NOD1: variants seen among roughly 807,000 people sequenced by gnomAD.
NOD1 encodes the protein nucleotide binding oligomerization domain containing 1, also known as nucleotide-binding oligomerization domain-containing protein 1.
NOD1 carries 70 observed loss-of-function variants against 81.2 expected under a neutral mutation model. The observed-to-expected ratio is 0.86, with a 90% CI of 0.71 to 1.05. NOD1 has a LOEUF of 1.05. Among genes scored for constraint, NOD1 ranks in the 50% least tolerant of loss-of-function variants. The pLI, the probability that NOD1 is intolerant of heterozygous loss-of-function variation, is 0.00. For synonymous variants in NOD1, 508 were observed against 526.9 expected, an observed-to-expected ratio of 0.96 and a Z score of 0.49; for missense variants, 1,233 against 1,228.0, an observed-to-expected ratio of 1.00 and a Z score of -0.06.
intron 1 of NOD1, among the ~76,000 whole-genome samples, chr7:30,474,337 T>C (rs1788556002): frequency 6.6e-6 from 1 of 152,242 alleles, no homozygotes; most frequent in Non-Finnish European, 1.5e-5. Flanking sequence ...TTATTGTAAC[T>C]AGTTTACAAA....
At chr7:30,439,441 T>C (rs1224711624) in intron 9 of NOD1, among the ~76,000 whole-genome samples, 31 of 141,402 alleles carry the variant, frequency 2.2e-4, no homozygotes, top group African/African-American at 6.9e-4. Context: ...TTGCCTCACC[T>C]GGGAAGCGCA....
At position 30,425,547 on chromosome 7, in the gene NOD1, C is replaced by G. The variant is rs1783371049; in HGVS notation, c.*91G>C. The G allele has an allele frequency of 1.1e-6, 1 of 909,550 alleles. No homozygotes were observed. Among genetic ancestry groups the G allele is most frequent in the Non-Finnish European group, 1.9e-6 (1 of 538,874 alleles). The allele number at this position is 909,550 out of a possible 1,614,324, so 56.3% of individuals were successfully genotyped here. A position where few individuals can be genotyped will look rare whatever the true frequency, so the allele number is the denominator to read the frequency against. ...TCCTGATAGTCCCGCCTGCGCAGGC[C>G]CCTTTAAGACACTGACACAAAAGAC... On this transcript the variant is annotated 3_prime_UTR_variant, in exon 14 of 14. Coordinates refer to ENST00000222823, the MANE Select transcript of NOD1 (RefSeq NM_006092.4).
rs545169719 is a variant in NOD1 at position 30,467,381 on chromosome 7, T to C, written c.-351-7340A>G. Among the ~76,000 whole-genome samples the C allele has an allele frequency of 3.9e-5, 6 of 152,202 alleles. No homozygotes were observed. The highest frequency in any genetic ancestry group is 1.2e-4 in the African/African-American group (5 of 41,536). On this transcript the variant is annotated intron_variant, in intron 1 of 13. Transcript: ENST00000222823. This position sits in a 1 kb window ranked among gnomAD's most constrained non-coding sequence, Gnocchi z 4.5. The stretch of plus-strand genomic sequence containing the variant: ...ATAAGAAGGCTATACACTTGCATGA[T>C]TGAAATATTTTAGGGCCTTTTCCTC...
intron 10 of NOD1, among the ~76,000 whole-genome samples, chr7:30,436,718 T>C (rs1407454848): frequency 6.6e-6 from 1 of 152,164 alleles, no homozygotes; most frequent in Non-Finnish European, 1.5e-5. Flanking sequence ...CATGCAGGGA[T>C]GGCTGAGGGG....
Position 30,429,371 on chromosome 7 carries a change from T to C in NOD1, c.2789+3A>G. 1.2e-6 allele frequency: 2 copies of C among 1,612,994 alleles called. No homozygotes were observed. Among genetic ancestry groups the C allele is most frequent in the Non-Finnish European group, 1.7e-6 (2 of 1,178,860 alleles). On this transcript the variant is annotated splice_donor_region_variant and intron_variant, in intron 13 of 13. Transcript: ENST00000222823. ...ATTACTGTGACAAACGCTGGGATCTTACCAAATCTCTGTTATGCCAGTGTT... is the reference window on the plus strand; with the variant it reads ...ATTACTGTGACAAACGCTGGGATCTCACCAAATCTCTGTTATGCCAGTGTT...
intron 6 of NOD1, 26 bp from the exon 7 acceptor site, chr7:30,448,407 C>A (rs1302558188): frequency 6.3e-7 from 1 of 1,575,250 alleles, no homozygotes; most frequent in Non-Finnish European, 8.7e-7. Context: ...AAAAAAATTA[C>A]GAGTCAGGGC....
intron 1 of NOD1, among the ~76,000 whole-genome samples, chr7:30,473,050 AGCTTTCTAACAGCCTTCCACACCAG>A: frequency 6.6e-6 from 1 of 152,356 alleles, no homozygotes; most frequent in African/African-American, 2.4e-5. Flanking sequence ...AGCTATAAAT[AGCTTTCTAACAGCCTTCCACACCAG>A]GGTAGGGGGC....
chr7:30,455,863 A>G (rs1056411601), intron 4 of NOD1, among the ~76,000 whole-genome samples: 2 of 152,070 alleles, frequency 1.3e-5, no homozygotes, highest in Non-Finnish European at 2.9e-5. Flanking sequence ...CGGCCTCCCA[A>G]AGTGCTGGGA....
chr7:30,455,316 AG>A lies in NOD1; in HGVS notation c.202-6del, dbSNP rs750510274. 41 of 1,609,078 alleles carry A rather than the reference AG, an allele frequency of 2.5e-5. No individual in the cohort carries two copies. The highest frequency in any genetic ancestry group is 3.4e-5 in the Non-Finnish European group (40 of 1,176,248). On this transcript the variant is annotated splice_region_variant and splice_polypyrimidine_tract_variant and intron_variant, in intron 4 of 13. Transcript: ENST00000222823. ...CAGGTCCAGAATTTTGCGGACCTGGAGGTGACACAAGCATGAGGGCACGGGC... is the reference window on the plus strand; with the variant it reads ...CAGGTCCAGAATTTTGCGGACCTGGAGTGACACAAGCATGAGGGCACGGGC...
chr7:30,446,482 C>T (rs1398017289), intron 8 of NOD1: 1 of 510,182 alleles, frequency 2.0e-6, no homozygotes, highest in African/African-American at 1.9e-5. Flanking sequence ...CCCTGGGGTC[C>T]TCTAATTGAC....
rs199475897 is a variant in NOD1 at position 30,455,259 on chromosome 7, A to T, written c.254T>A (p.Phe85Tyr). The T allele has an allele frequency of 1.7e-4, 267 of 1,614,176 alleles. No homozygotes were observed. Among genetic ancestry groups the T allele is most frequent in the South Asian group, 8.2e-4 (75 of 91,084 alleles). ...GAGTTGCTGGAGCAAGTAGAGGAAG[A>T]ACTCGGACACCTCCTCGCCCTTGCT... is the stretch of plus-strand genomic sequence containing the variant. Reference protein sequence around the residue: ...VQSKGEEVSEFFLYLLQQLAD... With the variant: ...VQSKGEEVSEYFLYLLQQLAD... The change falls in exon 5 of 14, where the codon TTC becomes TAC. Residue 85 changes from phenylalanine (F) to tyrosine (Y), a missense_variant. By Grantham distance (22) the Phe-to-Tyr change is conservative. Coordinates refer to ENST00000222823, the MANE Select transcript of NOD1 (RefSeq NM_006092.4).
At position 30,453,033 on chromosome 7, in the gene NOD1, C is replaced by T. The variant is rs775134700; in HGVS notation, c.384G>A (p.Arg128=). 6.2e-7 allele frequency: 1 copy of T among 1,601,942 alleles called. No homozygotes were observed. The highest frequency in any genetic ancestry group is 1.3e-5 in the African/African-American group (1 of 74,860). ...KVVVNTDPVS[R]YTQQLRHHLG... The stretch of plus-strand genomic sequence containing the variant: ...GATGGTGTCGCAGCTGCTGGGTATA[C>T]CTGCTCACTGGAGGGAGGGGGTGGC... Residue 128 remains arginine (R), a synonymous_variant, in exon 6 of 14, where the codon AGG becomes AGA. Transcript: ENST00000222823.
intron 6 of NOD1, among the ~76,000 whole-genome samples, chr7:30,449,617 C>G (rs1280989238): frequency 6.6e-6 from 1 of 152,154 alleles, no homozygotes; most frequent in Non-Finnish European, 1.5e-5. Flanking sequence ...AGCCTGGGCT[C>G]CGGAGGGTCA....
In NOD1 at chr7:30,433,186, A is replaced by G. The variant is rs200916106; in HGVS notation, c.2622-7T>C. The G allele has an allele frequency of 1.9e-4, 303 of 1,604,700 alleles. 1 individual carries two copies. The East Asian group carries it at 3.8e-3, about 20-fold the overall frequency. ...GAGTTCATTTTGGGTCAGCCTAAGG[A>G]AAAAAAAGGAAGTATTTACTCAAGA... On this transcript the variant is annotated splice_polypyrimidine_tract_variant and splice_region_variant and intron_variant, in intron 11 of 13. Coordinates refer to ENST00000222823, the MANE Select transcript of NOD1 (RefSeq NM_006092.4).
At chr7:30,450,874 C>T (rs1785617996) in intron 6 of NOD1, among the ~76,000 whole-genome samples, 1 of 152,168 alleles carries the variant, frequency 6.6e-6, no homozygotes, top group Non-Finnish European at 1.5e-5. Context: ...AAGAGCATTC[C>T]ATTAGGTAAT....
intron 1 of NOD1, among the ~76,000 whole-genome samples, chr7:30,461,006 C>A (rs1787001571): frequency 6.6e-6 from 1 of 152,156 alleles, no homozygotes; most frequent in Non-Finnish European, 1.5e-5. Flanking sequence ...AAAAGGAGAC[C>A]ATAGAGCAGC....
intron 2 of NOD1, among the ~76,000 whole-genome samples, 184 bp downstream of exon 2, chr7:30,459,717 T>C (rs974086937): frequency 1.3e-5 from 2 of 152,200 alleles, no homozygotes; most frequent in Non-Finnish European, 2.9e-5. Flanking sequence ...ATTGAGACTT[T>C]CTCTTTAAGA....
At chr7:30,430,765 AG>A (rs934740833) in intron 12 of NOD1, among the ~76,000 whole-genome samples, 43 of 152,350 alleles carry the variant, frequency 2.8e-4, no homozygotes, top group African/African-American at 1.0e-3. Context: ...CACAGTGTCC[AG>A]GGGGAAGGGA....
chr7:30,433,548 C>T (rs920633991), intron 11 of NOD1: 1 of 260,122 alleles, frequency 3.8e-6, no homozygotes, highest in South Asian at 7.7e-5. Context: ...TTGAACACCA[C>T]TGACAGTGTG....
Sources: gnomAD v4.1 joint callset for allele counts (sites outside exome capture counted in the v4.1 genomes callset) on GRCh38, gnomAD v4.1.1 for gene constraint, Gnocchi (gnomAD v3.1) non-coding constraint, MANE v1.5 for transcripts, NCBI Gene and HGNC (gene_info 2026-07-23, HGNC 2026-07-21) for gene names.